VAC14: variants seen among roughly 807,000 people sequenced by gnomAD.
The protein encoded by VAC14 is protein VAC14 homolog.
A neutral mutation model predicts 85.3 loss-of-function variants in VAC14; 47 were observed. The ratio of observed to expected loss-of-function variants is 0.55; its 90% CI spans 0.44 to 0.70. The LOEUF is 0.70. Among genes scored for constraint, VAC14 ranks in the 30% least tolerant of loss-of-function variants. The pLI is 0.00. For missense variants in VAC14, 861 were observed against 1,004.3 expected (o/e 0.86, Z 1.93); for synonymous variants, 447 against 430.5 (o/e 1.04, Z -0.47).
At chr16:70,719,285 C>T (rs769909237) in intron 14 of VAC14, among the ~76,000 whole-genome samples, 2 of 152,136 alleles carry the variant, frequency 1.3e-5, no homozygotes, top group Non-Finnish European at 1.5e-5. Context: ...CAGAAACAGG[C>T]GGCTTCATGG....
chr16:70,791,739 C>G (rs2143323170), intron 1 of VAC14, among the ~76,000 whole-genome samples: 1 of 152,310 alleles, frequency 6.6e-6, no homozygotes, highest in Non-Finnish European at 1.5e-5. Context: ...GTCTGCATCT[C>G]TAGCACTAGG....
chr16:70,788,239 C>T (rs117665931), intron 1 of VAC14, among the ~76,000 whole-genome samples: 6 of 152,158 alleles, frequency 3.9e-5, no homozygotes, highest in East Asian at 1.9e-4. Flanking sequence ...GTGAGCACTC[C>T]GGCAAAAAGG....
At chr16:70,722,949 C>T (rs1212478029) in intron 14 of VAC14, among the ~76,000 whole-genome samples, 1 of 152,148 alleles carries the variant, frequency 6.6e-6, no homozygotes, top group East Asian at 1.9e-4. Context: ...GGTGAGGTGG[C>T]TCATGACTGT....
At chr16:70,709,878 T>C (rs568301314) in intron 14 of VAC14, among the ~76,000 whole-genome samples, 2 of 152,248 alleles carry the variant, frequency 1.3e-5, no homozygotes, top group East Asian at 1.9e-4. Flanking sequence ...GCCAGGGAAA[T>C]GGCATCCCTG....
Position 70,780,919 on chromosome 16 carries a change from C to T in VAC14, c.967G>A (p.Val323Met), listed in dbSNP as rs1043746593. ...AGCTTCATCAGGCTCTGGTTGCACA[C>T]GTTGGCCACTTCTTTGATGCCTGAG... ...RKKSIKEVAN[V>M]CNQSLMKLVT... is the part of the protein sequence containing the mutation. The change falls in exon 9 of 19, where the codon GTG (valine) becomes ATG (methionine). Residue 323 changes from valine (V) to methionine (M), a missense_variant. By Grantham distance (21) the Val-to-Met change is conservative. This residue lies in a region of VAC14 where 629 missense variants were observed against 703.1 expected (regional missense o/e 0.89). Transcript: ENST00000261776. The T allele has an allele frequency of 6.8e-6, 11 of 1,614,012 alleles. No individual in the cohort carries two copies. The highest frequency in any genetic ancestry group is 1.6e-4 in the Middle Eastern group (1 of 6,084).
intron 12 of VAC14, among the ~76,000 whole-genome samples, chr16:70,757,114 C>T (rs1234398116): frequency 6.6e-6 from 1 of 152,156 alleles, no homozygotes; most frequent in Non-Finnish European, 1.5e-5. Flanking sequence ...AGACTCTTCT[C>T]CAAAGTGTTA....
intron 1 of VAC14, among the ~76,000 whole-genome samples, chr16:70,789,341 T>C (rs939905886): frequency 1.3e-5 from 2 of 152,256 alleles, no homozygotes; most frequent in African/African-American, 4.8e-5. Context: ...ACCCTCCTGC[T>C]TCCTGCCTTC....
At chr16:70,784,621 A>C in intron 4 of VAC14, 155 bp downstream of exon 4, 3 of 789,358 alleles carry the variant, frequency 3.8e-6, no homozygotes, top group Non-Finnish European at 6.3e-6. Context: ...TGAGCTCGAT[A>C]TTCTTGTCAT....
In VAC14 at chr16:70,695,557, G is replaced by A. The variant is rs1567520614; in HGVS notation, c.2022C>T (p.Cys674=). ...EVDKLVQLIE[C]PIFTYLRLQL... is the part of the protein sequence containing the mutation. ...GGTGGTTCTTACATGTGAAGATGGG[G>A]CACTCAATCAGCTGCACCAGCTTGT... The change falls in exon 17 of 19, where the codon TGC becomes TGT. Residue 674 remains cysteine, a synonymous_variant. Coordinates refer to ENST00000261776, the MANE Select transcript of VAC14 (RefSeq NM_018052.5). 8 of 1,613,836 alleles carry A rather than the reference G, an allele frequency of 5.0e-6. No individual in the cohort carries two copies. The highest frequency in any genetic ancestry group is 6.8e-6 in the Non-Finnish European group (8 of 1,179,966).
chr16:70,791,169 C>T (rs2034320443), intron 1 of VAC14, among the ~76,000 whole-genome samples: 1 of 152,334 alleles, frequency 6.6e-6, no homozygotes, highest in Non-Finnish European at 1.5e-5. Context: ...TGCTGCACCT[C>T]CCATCTGCCC....
At chr16:70,688,429 G>A (rs1567515887) in intron 18 of VAC14, 2 of 1,008,806 alleles carry the variant, frequency 2.0e-6, no homozygotes, top group Non-Finnish European at 2.4e-6. Flanking sequence ...CTAGCAGCCA[G>A]CCAGGAAGCC....
intron 14 of VAC14, chr16:70,715,137 C>A (rs2054135289): frequency 6.6e-6 from 1 of 152,276 alleles, no homozygotes; most frequent in South Asian, 2.1e-4. Flanking sequence ...CAGCCACACT[C>A]CAGGTTGCCC....
rs1340712684 is a variant in VAC14 at position 70,781,640 on chromosome 16, C to T, written c.946+229G>A. Among the ~76,000 whole-genome samples, 3 of 152,134 alleles carry T rather than the reference C, an allele frequency of 2.0e-5. No homozygotes were observed. The East Asian group carries it at 5.8e-4, about 29-fold the overall frequency. ...GTTGGAACTTTGGGGCCCCAGAGAG[C>T]TGCTCCAGATCTGCAAGTAACCAGG... On this transcript the variant is annotated intron_variant, in intron 8 of 18. Coordinates refer to ENST00000261776, the MANE Select transcript of VAC14 (RefSeq NM_018052.5).
chr16:70,691,736 C>G (rs2053599658), intron 18 of VAC14: 3 of 985,456 alleles, frequency 3.0e-6, no homozygotes, highest in Non-Finnish European at 3.6e-6. Flanking sequence ...GCCTCTCCAG[C>G]TGGCCTGGGG....
chr16:70,787,871 A>G (rs1297350095), intron 1 of VAC14, among the ~76,000 whole-genome samples: 1 of 152,224 alleles, frequency 6.6e-6, no homozygotes, highest in African/African-American at 2.4e-5. Context: ...TTCATGTACC[A>G]GGGAGCTGGG....
At chr16:70,782,147 C>T (rs1007562939) in intron 7 of VAC14, 144 bp from the exon 8 acceptor site, 1 of 1,196,248 alleles carries the variant, frequency 8.4e-7, no homozygotes, top group Admixed American at 2.7e-5. Context: ...GCTCTACTAC[C>T]TGTGTGCTTT....
Position 70,744,489 on chromosome 16 carries a change from G to A in VAC14, c.1462C>T (p.Leu488Phe). Residue 488 changes from leucine (L) to phenylalanine (F), a missense_variant, in exon 13 of 19, where the codon CTC becomes TTC. Physicochemically the swap from Leu to Phe is conservative, Grantham distance 22 (BLOSUM62 0). Around this residue, in one of 3 missense-constraint regions of VAC14, gnomAD observed 629 missense variants for 703.1 expected, o/e 0.89. Coordinates refer to ENST00000261776, the MANE Select transcript of VAC14 (RefSeq NM_018052.5). ...DDPGPLDGPDLQASHSELQVP... is the reference protein window; with the variant it reads ...DDPGPLDGPDFQASHSELQVP... ...TGGAGCTCTGAGTGGCTGGCCTGGAGGTCAGGGCCATCGAGGGGGCCTGGG... is the reference window on the plus strand; with the variant it reads ...TGGAGCTCTGAGTGGCTGGCCTGGAAGTCAGGGCCATCGAGGGGGCCTGGG... The A allele has an allele frequency of 1.2e-6, 2 of 1,613,772 alleles. No individual in the cohort carries two copies. The highest frequency in any genetic ancestry group is 1.3e-5 in the African/African-American group (1 of 75,046).
chr16:70,733,111 G>C (rs1442273706), intron 13 of VAC14, among the ~76,000 whole-genome samples: 2 of 152,158 alleles, frequency 1.3e-5, no homozygotes, highest in African/African-American at 4.8e-5. Context: ...ACTCCCAAAA[G>C]GAACCCCATA....
Position 70,781,949 on chromosome 16 carries a change from G to A in VAC14, c.866C>T (p.Ala289Val), listed in dbSNP as rs751118482. The A allele has an allele frequency of 8.1e-6, 13 of 1,614,100 alleles. No homozygotes were observed. Among genetic ancestry groups the A allele is most frequent in the South Asian group, 6.6e-5 (6 of 91,088 alleles). ...MCWMREFIQLAGRVMLPYSSG... is the reference protein window; with the variant it reads ...MCWMREFIQLVGRVMLPYSSG... Reference sequence around the variant, plus strand: ...GGAGTAAGGCAGCATGACGCGGCCCGCCAGCTGGATGAACTCCCGCATCCA... The same window carrying A: ...GGAGTAAGGCAGCATGACGCGGCCCACCAGCTGGATGAACTCCCGCATCCA... Residue 289 changes from alanine (A) to valine (V), a missense_variant, in exon 8 of 19, where the codon GCG (alanine) becomes GTG (valine). Ala to Val is a moderately conservative substitution (Grantham distance 64, BLOSUM62 0). Coordinates refer to ENST00000261776, the MANE Select transcript of VAC14 (RefSeq NM_018052.5).
Sources: gnomAD v4.1 joint callset for allele counts (sites outside exome capture counted in the v4.1 genomes callset) on GRCh38, gnomAD v4.1.1 for gene constraint, gnomAD v4.1.1 regional missense constraint, MANE v1.5 for transcripts, NCBI Gene and HGNC (gene_info 2026-07-23, HGNC 2026-07-21) for gene names.